CCDC178: variants seen among roughly 807,000 people sequenced by gnomAD.
CCDC178 encodes coiled-coil domain-containing protein 178.
In CCDC178, 126 loss-of-function variants were observed where a neutral mutation model predicts 117.4. That is an observed-to-expected ratio of 1.07 (90% confidence interval 0.93 to 1.24). The LOEUF is 1.24. Among genes scored for constraint, CCDC178 ranks in the 50% most tolerant of loss-of-function variants. The probability of loss-of-function intolerance (pLI) is 0.00; values close to 1 mark genes in which losing one functional copy is unlikely to be tolerated. For synonymous variants in CCDC178, 283 were observed against 313.4 expected, an observed-to-expected ratio of 0.90 and a Z score of 1.02; for missense variants, 1,030 against 986.9, an observed-to-expected ratio of 1.04 and a Z score of -0.59.
intron 5 of CCDC178, among the ~76,000 whole-genome samples, chr18:33,383,918 G>A (rs1277284255): frequency 2.0e-5 from 3 of 152,092 alleles, no homozygotes; most frequent in Non-Finnish European, 4.4e-5. Context: ...ATTTCGCTGA[G>A]CTAAAGGATT....
intron 11 of CCDC178, among the ~76,000 whole-genome samples, chr18:33,305,137 T>C (rs1480940975): frequency 6.6e-6 from 1 of 152,166 alleles, no homozygotes. Context: ...TGACCCAGCA[T>C]CTGAACTAGA....
chr18:33,389,114 C>T (rs562720907), intron 5 of CCDC178, among the ~76,000 whole-genome samples: 1 of 152,054 alleles, frequency 6.6e-6, no homozygotes, highest in Non-Finnish European at 1.5e-5. Context: ...AAAAAACCAG[C>T]ACATCCTGCA....
At chr18:33,058,172 G>A (rs1359846267) in intron 21 of CCDC178, among the ~76,000 whole-genome samples, 1 of 152,064 alleles carries the variant, frequency 6.6e-6, no homozygotes, top group South Asian at 2.1e-4. Flanking sequence ...CTACAGAAAT[G>A]AAAACATACG....
chr18:33,011,049 C>G (rs2055853294), intron 21 of CCDC178, among the ~76,000 whole-genome samples: 1 of 152,082 alleles, frequency 6.6e-6, no homozygotes, highest in Non-Finnish European at 1.5e-5. Context: ...GGTCAGGCAC[C>G]AAAAGTTACT....
At chr18:33,301,517 G>T (rs2062176269) in intron 11 of CCDC178, among the ~76,000 whole-genome samples, 1 of 152,218 alleles carries the variant, frequency 6.6e-6, no homozygotes, top group Non-Finnish European at 1.5e-5. Flanking sequence ...GGAATCCACA[G>T]TCACTCAACT....
chr18:33,420,718 G>C (rs999824782), intron 2 of CCDC178, among the ~76,000 whole-genome samples: 12 of 151,868 alleles, frequency 7.9e-5, no homozygotes, highest in Non-Finnish European at 1.0e-4. Flanking sequence ...GAAATAATCT[G>C]AACACCAAAC....
At chr18:33,378,296 A>G (rs1485724428) in intron 5 of CCDC178, among the ~76,000 whole-genome samples, 2 of 152,128 alleles carry the variant, frequency 1.3e-5, no homozygotes, top group Non-Finnish European at 2.9e-5. Flanking sequence ...TTAATTTTGT[A>G]CTGTGAAATT....
intron 11 of CCDC178, among the ~76,000 whole-genome samples, chr18:33,320,728 G>GA (rs556382992): frequency 6.6e-6 from 1 of 151,958 alleles, no homozygotes; most frequent in Non-Finnish European, 1.5e-5. Context: ...CACAGAATTG[G>GA]AAAAAAACTA....
At chr18:32,954,015 A>G (rs1158559399) in intron 22 of CCDC178, 1 of 152,162 alleles carries the variant, frequency 6.6e-6, no homozygotes. Flanking sequence ...ATAAATACAC[A>G]AGAGAGCTTT....
chr18:33,430,895 A>AC lies in CCDC178; in HGVS notation c.-23+9066dup, dbSNP rs1237903266. 3.3e-5 allele frequency among the ~76,000 whole-genome samples: 5 copies of AC among 150,658 alleles called. No homozygotes were observed. The East Asian group carries it at 9.8e-4, about 30-fold the overall frequency. On this transcript the variant is annotated intron_variant, in intron 2 of 22. Transcript: ENST00000383096. Reference sequence around the variant, plus strand: ...AGACCAGCCTGGCCAACATGGTGAAACCCCATCTCTACTAAAAACACACAA... The same window carrying AC: ...AGACCAGCCTGGCCAACATGGTGAAACCCCCATCTCTACTAAAAACACACAA...
At chr18:33,416,668 T>C (rs1184089217) in intron 2 of CCDC178, among the ~76,000 whole-genome samples, 1 of 152,052 alleles carries the variant, frequency 6.6e-6, no homozygotes, top group East Asian at 1.9e-4. Flanking sequence ...AGCCTGGACT[T>C]CCACCCACTC....
rs537974531 is a variant in CCDC178 at position 33,195,127 on chromosome 18, AAG to A, written c.2238+16767_2238+16768del. On this transcript the variant is annotated intron_variant, in intron 20 of 22. Transcript: ENST00000383096. ...GCAAGGCACTGTCTCTTAAAAAAAA[AAG>A]AGAGAGAGAGAGAGAGAAGAAAAAA... 3.4e-4 allele frequency among the ~76,000 whole-genome samples: 49 copies of A among 143,114 alleles called. No individual in the cohort carries two copies. In the East Asian group the frequency reaches 5.2e-3, roughly 15 times the overall value. 93.9% of individuals were successfully genotyped at this position (143,114 alleles called of 152,430 possible).
intron 20 of CCDC178, among the ~76,000 whole-genome samples, chr18:33,103,190 T>C (rs2057655902): frequency 6.6e-6 from 1 of 151,736 alleles, no homozygotes; most frequent in Non-Finnish European, 1.5e-5. Context: ...AAGGCAGTTT[T>C]TGCATAGTGA....
chr18:33,152,581 C>T (rs1184696352), intron 20 of CCDC178, among the ~76,000 whole-genome samples: 2 of 152,008 alleles, frequency 1.3e-5, no homozygotes, highest in Non-Finnish European at 2.9e-5. Flanking sequence ...CCACAACCAT[C>T]TCAGCCATCC....
chr18:33,337,123 T>C (rs2062751271), intron 9 of CCDC178, among the ~76,000 whole-genome samples: 1 of 143,474 alleles, frequency 7.0e-6, no homozygotes, highest in Non-Finnish European at 1.5e-5. Flanking sequence ...CATCCTTAGG[T>C]ATATTCCTAA....
At chr18:33,011,767 CAAAAAAAAAAAAAAAAAAAAAAA>C (rs71177899) in intron 21 of CCDC178, among the ~76,000 whole-genome samples, 19 of 29,984 alleles carry the variant, frequency 6.3e-4, no homozygotes, top group East Asian at 1.9e-3. Flanking sequence ...GAGCAGAATG[CAAAAAAAAAAAAAAAAAAAAAAA>C]AAAAAAAAAA....
intron 22 of CCDC178, among the ~76,000 whole-genome samples, chr18:32,972,202 G>A (rs891845840): frequency 6.6e-6 from 1 of 152,114 alleles, no homozygotes; most frequent in Non-Finnish European, 1.5e-5. Flanking sequence ...TGTATAAGGT[G>A]TAAGGAAGGG....
chr18:33,055,472 G>A (rs1456468510), intron 21 of CCDC178, among the ~76,000 whole-genome samples: 1 of 151,900 alleles, frequency 6.6e-6, no homozygotes, highest in East Asian at 1.9e-4. Flanking sequence ...GTGTAGCTGG[G>A]ACAGCAGGTG....
intron 20 of CCDC178, among the ~76,000 whole-genome samples, chr18:33,193,667 T>A (rs1054274277): frequency 1.3e-5 from 2 of 152,214 alleles, no homozygotes; most frequent in African/African-American, 4.8e-5. Context: ...AATGTTAATG[T>A]CACTACCAAA....
Sources: allele counts gnomAD v4.1 joint callset (sites outside exome capture counted in the v4.1 genomes callset), GRCh38; gene constraint gnomAD v4.1.1; transcripts MANE v1.5; gene names NCBI Gene and HGNC (gene_info 2026-07-23, HGNC 2026-07-21).